PTPRD: variants seen among roughly 807,000 people sequenced by gnomAD.
PTPRD encodes protein tyrosine phosphatase receptor type D.
Under a neutral mutation model 214.5 loss-of-function variants are expected in PTPRD, and 34 were observed. The ratio of observed to expected loss-of-function variants is 0.16; its 90% CI spans 0.12 to 0.21. The LOEUF (loss-of-function observed/expected upper bound fraction) is 0.21. PTPRD is among the 10% of genes least tolerant of loss of function. The pLI, the probability that PTPRD is intolerant of heterozygous loss-of-function variation, is 1.00. For synonymous variants in PTPRD, 1,128 were observed against 845.7 expected, an observed-to-expected ratio of 1.33 and a Z score of -5.79; for missense variants, 2,545 against 2,398.7, an observed-to-expected ratio of 1.06 and a Z score of -1.27.
chr9:10,418,601 C>G (rs1463469199), intron 2 of PTPRD, among the ~76,000 whole-genome samples: 1 of 151,698 alleles, frequency 6.6e-6, no homozygotes, highest in Non-Finnish European at 1.5e-5. Context: ...GTTAAGGTTT[C>G]TCTTTCCCAC....
intron 27 of PTPRD, among the ~76,000 whole-genome samples, chr9:8,490,857 A>C (rs1233267833): frequency 3.3e-5 from 5 of 152,232 alleles, no homozygotes; most frequent in African/African-American, 1.2e-4. Flanking sequence ...TACTATTAAA[A>C]TAAAATTTCA....
intron 5 of PTPRD, among the ~76,000 whole-genome samples, chr9:9,828,193 A>C (rs533865305): frequency 2.6e-5 from 4 of 152,218 alleles, no homozygotes; most frequent in Admixed American, 2.6e-4. Flanking sequence ...TGCTATAAAG[A>C]CACATACACA....
chr9:9,990,624 A>C lies in PTPRD; in HGVS notation c.-472+43094T>G, dbSNP rs117235322. Among the ~76,000 whole-genome samples, 931 of 152,358 alleles carry C rather than the reference A, an allele frequency of 6.1e-3. 27 individuals are homozygous for C. Among genetic ancestry groups the C allele is most frequent in the East Asian group, 0.055 (285 of 5,180 alleles). The stretch of plus-strand genomic sequence containing the variant: ...TCAGCTGGAAATGTAGCTTCTTCTT[A>C]GAAAATAGAAAGTAGTTTAGCCCTG... On this transcript the variant is annotated intron_variant, in intron 4 of 45. Transcript: ENST00000381196.
intron 5 of PTPRD, among the ~76,000 whole-genome samples, chr9:9,868,936 GA>G: frequency 6.6e-6 from 1 of 151,446 alleles, no homozygotes; most frequent in East Asian, 1.9e-4. Context: ...CATTGACAAG[GA>G]AAAAAAAGAA....
intron 9 of PTPRD, among the ~76,000 whole-genome samples, chr9:9,276,706 A>T (rs1225844063): frequency 6.6e-6 from 1 of 151,330 alleles, no homozygotes; most frequent in Non-Finnish European, 1.5e-5. Flanking sequence ...GAAGTTTCTG[A>T]GAAAATGGTG....
chr9:9,747,638 G>A (rs923354347), intron 6 of PTPRD, among the ~76,000 whole-genome samples: 1 of 149,956 alleles, frequency 6.7e-6, no homozygotes, highest in East Asian at 2.0e-4. Flanking sequence ...CCTTCGTCTC[G>A]CAGGTTCACA....
intron 11 of PTPRD, among the ~76,000 whole-genome samples, chr9:8,764,107 C>T (rs990290475): frequency 6.6e-6 from 1 of 152,170 alleles, no homozygotes; most frequent in African/African-American, 2.4e-5. Context: ...AAATTAAGGA[C>T]ACTCTCACTC....
intron 39 of PTPRD, among the ~76,000 whole-genome samples, chr9:8,350,899 G>A (rs187588948): frequency 2.9e-4 from 44 of 152,162 alleles, no homozygotes; most frequent in African/African-American, 1.0e-3. Context: ...AGTTTTAAGG[G>A]GTAGTTTTGC....
chr9:8,976,333 G>A (rs2099267841), intron 11 of PTPRD, among the ~76,000 whole-genome samples: 1 of 152,028 alleles, frequency 6.6e-6, no homozygotes, highest in African/African-American at 2.4e-5. Flanking sequence ...GTTCATGATA[G>A]AACTAGGACC....
intron 10 of PTPRD, among the ~76,000 whole-genome samples, chr9:9,118,626 T>C (rs888931298): frequency 6.6e-6 from 1 of 152,214 alleles, no homozygotes; most frequent in Non-Finnish European, 1.5e-5. Flanking sequence ...AGTTCTTATA[T>C]GTATAAAGAT....
intron 9 of PTPRD, among the ~76,000 whole-genome samples, chr9:9,291,869 GTA>G (rs577223487): frequency 6.7e-6 from 1 of 148,426 alleles, no homozygotes; most frequent in Admixed American, 6.8e-5. Context: ...TGTAATATGT[GTA>G]TATATATGTG....
intron 2 of PTPRD, among the ~76,000 whole-genome samples, chr9:10,388,418 G>C (rs1338766134): frequency 1.3e-5 from 2 of 150,912 alleles, no homozygotes; most frequent in Non-Finnish European, 3.0e-5. Flanking sequence ...CTCAAGGAGA[G>C]GCTTGACTAT....
At chr9:10,607,293 G>T (rs1398597666) in intron 2 of PTPRD, among the ~76,000 whole-genome samples, 2 of 151,872 alleles carry the variant, frequency 1.3e-5, no homozygotes, top group East Asian at 1.9e-4. Flanking sequence ...ATGGTGTATT[G>T]TTGAACTTTG....
intron 31 of PTPRD, among the ~76,000 whole-genome samples, chr9:8,467,067 A>C (rs746641923): frequency 1.3e-5 from 2 of 151,958 alleles, no homozygotes; most frequent in African/African-American, 2.4e-5. Context: ...GTAAAAAACC[A>C]GTTTTTCAGT....
intron 11 of PTPRD, among the ~76,000 whole-genome samples, chr9:8,973,844 T>C (rs1305567989): frequency 1.3e-5 from 2 of 152,198 alleles, no homozygotes; most frequent in East Asian, 3.9e-4. Context: ...CATGTGTTTG[T>C]TGGCTGCTTG....
At chr9:9,896,105 G>A (rs1230389083) in intron 5 of PTPRD, among the ~76,000 whole-genome samples, 2 of 151,906 alleles carry the variant, frequency 1.3e-5, no homozygotes, top group Non-Finnish European at 2.9e-5. Flanking sequence ...TTCTCTTTGG[G>A]AGCTTAGTTT....
At chr9:9,065,063 G>A (rs946047638) in intron 10 of PTPRD, among the ~76,000 whole-genome samples, 1 of 152,136 alleles carries the variant, frequency 6.6e-6, no homozygotes, top group Admixed American at 6.5e-5. Context: ...ACATGAAATA[G>A]GCATTCCCAT....
At chr9:9,776,654 G>C (rs1301688601) in intron 5 of PTPRD, among the ~76,000 whole-genome samples, 2 of 152,126 alleles carry the variant, frequency 1.3e-5, no homozygotes, top group Admixed American at 6.5e-5. Context: ...GAACATGCTA[G>C]TTTAACAACC....
chr9:9,763,389 T>A (rs945756982), intron 6 of PTPRD, among the ~76,000 whole-genome samples: 1 of 152,168 alleles, frequency 6.6e-6, no homozygotes, highest in Non-Finnish European at 1.5e-5. Context: ...CTGTTTTACA[T>A]ACATAATATA....
Sources: gnomAD v4.1 joint callset for allele counts (sites outside exome capture counted in the v4.1 genomes callset) on GRCh38, gnomAD v4.1.1 for gene constraint, MANE v1.5 for transcripts, NCBI Gene and HGNC (gene_info 2026-07-23, HGNC 2026-07-21) for gene names.